The following RBL1 variants were observed in gnomAD, a reference collection of about 807,000 sequenced individuals.
RBL1 encodes RB transcriptional corepressor like 1, also known as retinoblastoma-like protein 1.
A neutral mutation model predicts 123.0 loss-of-function variants in RBL1; 82 were observed. The observed-to-expected ratio is 0.67, with a 90% CI of 0.56 to 0.80. The LOEUF (loss-of-function observed/expected upper bound fraction) is 0.80, where lower values mean the gene tolerates loss of function less well. RBL1 is among the 30% of genes least tolerant of loss of function. The pLI is 0.00. For missense variants in RBL1, 1,171 were observed against 1,299.6 expected (o/e 0.90, Z 1.52); for synonymous variants, 405 against 441.3 (o/e 0.92, Z 1.03).
intron 2 of RBL1, among the ~76,000 whole-genome samples, chr20:37,079,768 A>G (rs763314576): frequency 6.6e-6 from 1 of 152,150 alleles, no homozygotes; most frequent in Admixed American, 6.6e-5. Context: ...GATTACAGGC[A>G]TGAGCCACCA....
intron 2 of RBL1, among the ~76,000 whole-genome samples, chr20:37,077,091 C>T (rs1390135919): frequency 6.6e-6 from 1 of 152,068 alleles, no homozygotes; most frequent in Non-Finnish European, 1.5e-5. Flanking sequence ...CGCCTGCCAC[C>T]AAGCTCGGCT....
chr20:37,022,301 G>A (rs772611766), intron 17 of RBL1, among the ~76,000 whole-genome samples: 3 of 152,140 alleles, frequency 2.0e-5, no homozygotes, highest in African/African-American at 4.8e-5. Flanking sequence ...AATAAATCAC[G>A]AGAAAGCAAT....
chr20:37,032,690 C>T lies in RBL1; in HGVS notation c.2357G>A (p.Gly786Glu). 1 of 1,613,876 alleles carries T rather than the reference C, an allele frequency of 6.2e-7. No homozygotes were observed. Among genetic ancestry groups the T allele is most frequent in the Non-Finnish European group, 8.5e-7 (1 of 1,179,958 alleles). The change falls in exon 16 of 22, where the codon GGG (glycine) becomes GAG (glutamate). Residue 786 changes from glycine to glutamate, a missense_variant. By Grantham distance (98) the Gly-to-Glu change is moderately conservative (BLOSUM62 -2). Transcript: ENST00000373664. ...CTTTCTGTAAAATAGTGCTAAGGAC[C>T]CAGTTCTCTTTGGCCTGTTTATTCC... ...STGINRPKRT[G>E]SLALFYRKVY...
intron 19 of RBL1, among the ~76,000 whole-genome samples, chr20:37,011,924 G>T (rs911192393): frequency 6.6e-6 from 1 of 152,050 alleles, no homozygotes; most frequent in Non-Finnish European, 1.5e-5. Flanking sequence ...CTCTGATGCC[G>T]AGCCGAAGCT....
chr20:37,024,583 A>T (rs953886220), intron 16 of RBL1, among the ~76,000 whole-genome samples: 1 of 152,190 alleles, frequency 6.6e-6, no homozygotes, highest in Admixed American at 6.6e-5. Flanking sequence ...AATTTACTCA[A>T]TGAATGGTTA....
intron 19 of RBL1, 49 bp downstream of exon 19, chr20:37,018,230 G>A (rs2045120773): frequency 1.2e-5 from 19 of 1,552,088 alleles, no homozygotes; most frequent in Non-Finnish European, 1.7e-5. Context: ...ATTATGTACA[G>A]TGTGATCCAA....
At chr20:37,012,364 A>C in intron 19 of RBL1, among the ~76,000 whole-genome samples, 1 of 131,936 alleles carries the variant, frequency 7.6e-6, no homozygotes, top group Admixed American at 8.1e-5. Flanking sequence ...CTGGCTGCCC[A>C]GTCTGGAAAA....
At chr20:37,030,801 G>A (rs1220168845) in intron 16 of RBL1, among the ~76,000 whole-genome samples, 1 of 151,008 alleles carries the variant, frequency 6.6e-6, no homozygotes, top group African/African-American at 2.4e-5. Flanking sequence ...GTTGCAGTGA[G>A]CCGAGATTGC....
rs549596005 is a variant in RBL1, at chr20:37,073,873, G to A, written c.291-5687C>T. On this transcript the variant is annotated intron_variant, in intron 2 of 21. Transcript: ENST00000373664. ...ATCTTATAAAAAAAATTAAAAGGCC[G>A]AAGCGGGTGGATCACAAGGTCAGGA... Among the ~76,000 whole-genome samples, 18 of 151,690 alleles carry A rather than the reference G, an allele frequency of 1.2e-4. No homozygotes were observed. The South Asian group carries it at 3.1e-3, about 26-fold the overall frequency.
chr20:37,086,588 T>G (rs1463406720), intron 2 of RBL1, among the ~76,000 whole-genome samples: 1 of 152,168 alleles, frequency 6.6e-6, no homozygotes, highest in African/African-American at 2.4e-5. Flanking sequence ...AACTAAAACC[T>G]ATTTGCCATT....
intron 18 of RBL1, among the ~76,000 whole-genome samples, chr20:37,019,281 A>G (rs2064304579): frequency 1.3e-5 from 2 of 152,076 alleles, no homozygotes; most frequent in South Asian, 4.1e-4. Context: ...AGATGGCCAC[A>G]TGAAAATCTT....
At position 37,066,278 on chromosome 20, in the gene RBL1, G is replaced by A. The variant is rs534006244; in HGVS notation, c.846+446C>T. The stretch of plus-strand genomic sequence containing the variant: ...AATGCACACAGATAGCCTACAAGTG[G>A]CTACAAAACTATCATGGATTTTCTG... On this transcript the variant is annotated intron_variant, in intron 6 of 21. Coordinates refer to ENST00000373664, the MANE Select transcript of RBL1 (RefSeq NM_002895.5). 2.0e-5 allele frequency among the ~76,000 whole-genome samples: 3 copies of A among 152,312 alleles called. No homozygotes were observed. The South Asian group carries it at 6.2e-4, about 32-fold the overall frequency.
At chr20:37,025,341 G>A (rs1431556452) in intron 16 of RBL1, among the ~76,000 whole-genome samples, 1 of 152,010 alleles carries the variant, frequency 6.6e-6, no homozygotes, top group Non-Finnish European at 1.5e-5. Context: ...GCAACATAGC[G>A]AAACCCCTTC....
chr20:37,051,972 C>G (rs959010366), intron 11 of RBL1, among the ~76,000 whole-genome samples: 2 of 151,372 alleles, frequency 1.3e-5, no homozygotes, highest in African/African-American at 4.8e-5. Flanking sequence ...TCATAAACAT[C>G]AGGTAGATGC....
intron 12 of RBL1, among the ~76,000 whole-genome samples, chr20:37,046,037 G>C (rs186819807): frequency 6.6e-6 from 1 of 152,296 alleles, no homozygotes; most frequent in Admixed American, 6.5e-5. Flanking sequence ...TAGTTCAATA[G>C]CTATGACCTC....
At chr20:37,015,233 A>T (rs1236102626) in intron 19 of RBL1, among the ~76,000 whole-genome samples, 1 of 152,146 alleles carries the variant, frequency 6.6e-6, no homozygotes, top group Non-Finnish European at 1.5e-5. Context: ...TCTTTTGCTT[A>T]CTTCTACTCT....
chr20:37,037,044 G>C (rs17722686), intron 14 of RBL1, among the ~76,000 whole-genome samples: 1 of 152,138 alleles, frequency 6.6e-6, no homozygotes, highest in Non-Finnish European at 1.5e-5. Context: ...AAAAATCTCC[G>C]TAATTCTTGG....
At chr20:37,007,279 T>G in intron 20 of RBL1, 132 bp downstream of exon 20, 1 of 942,324 alleles carries the variant, frequency 1.1e-6, no homozygotes. Flanking sequence ...CCTTAATCAC[T>G]GATTAAGTTA....
intron 21 of RBL1, among the ~76,000 whole-genome samples, chr20:37,000,951 C>T (rs2063966428): frequency 1.4e-5 from 2 of 143,232 alleles, no homozygotes; most frequent in South Asian, 2.2e-4. Flanking sequence ...TGAGGGGCGC[C>T]TCTGCCCGGC....
Sources: allele counts gnomAD v4.1 joint callset (sites outside exome capture counted in the v4.1 genomes callset), GRCh38; gene constraint gnomAD v4.1.1; transcripts MANE v1.5; gene names NCBI Gene and HGNC (gene_info 2026-07-23, HGNC 2026-07-21).